TMEM254: variants seen among roughly 807,000 people sequenced by gnomAD.
TMEM254 encodes the protein transmembrane protein C10orf57.
A neutral mutation model predicts 13.9 loss-of-function variants in TMEM254; 16 were observed. That is an observed-to-expected ratio of 1.15 (90% confidence interval 0.78 to 1.75). TMEM254 has a LOEUF of 1.75. TMEM254 is among the 40% of genes most tolerant of loss of function. The pLI, the probability that TMEM254 is intolerant of heterozygous loss-of-function variation, is 0.00. For synonymous variants in TMEM254, 61 were observed against 56.4 expected, an observed-to-expected ratio of 1.08 and a Z score of -0.36; for missense variants, 155 against 149.0, an observed-to-expected ratio of 1.04 and a Z score of -0.21.
At chr10:80,083,722 TC>T (rs1469046696) in intron 3 of TMEM254, among the ~76,000 whole-genome samples, 2 of 152,142 alleles carry the variant, frequency 1.3e-5, no homozygotes, top group African/African-American at 4.8e-5. Flanking sequence ...TCACTAATAA[TC>T]GCTGCTTGTG....
At chr10:80,085,498 C>G (rs562084833) in intron 3 of TMEM254, among the ~76,000 whole-genome samples, 1 of 151,094 alleles carries the variant, frequency 6.6e-6, no homozygotes, top group Non-Finnish European at 1.5e-5. Context: ...ACCTGGGAGG[C>G]GGAGGTTGCG....
chr10:80,083,949 G>A (rs1844182002), intron 3 of TMEM254, among the ~76,000 whole-genome samples: 1 of 152,084 alleles, frequency 6.6e-6, no homozygotes, highest in South Asian at 2.1e-4. Context: ...GCCAGGCATG[G>A]TGGTGCGTGC....
intron 1 of TMEM254, among the ~76,000 whole-genome samples, chr10:80,081,113 G>A (rs759471672): frequency 6.6e-6 from 1 of 151,700 alleles, no homozygotes; most frequent in African/African-American, 2.4e-5. Context: ...TTAGTCAGTC[G>A]TGGTAGCCAT....
chr10:80,085,202 T>C (rs1482563948), intron 3 of TMEM254, among the ~76,000 whole-genome samples: 1 of 150,684 alleles, frequency 6.6e-6, no homozygotes, highest in Non-Finnish European at 1.5e-5. Context: ...CTTGAAATCA[T>C]TTATGGTCTA....
At chr10:80,088,140 T>C (rs765526040) in intron 3 of TMEM254, among the ~76,000 whole-genome samples, 3 of 152,208 alleles carry the variant, frequency 2.0e-5, no homozygotes, top group Admixed American at 6.5e-5. Context: ...ATGTGCCCTA[T>C]CTTATATCAT....
At chr10:80,087,548 G>T (rs1844376243) in intron 3 of TMEM254, among the ~76,000 whole-genome samples, 1 of 152,044 alleles carries the variant, frequency 6.6e-6, no homozygotes, top group South Asian at 2.1e-4. Flanking sequence ...AGCTACTCAG[G>T]AGGCTGAGGT....
In TMEM254 at chr10:80,078,796, G is replaced by A; in HGVS notation, c.87+10G>A. On this transcript the variant is annotated intron_variant, in intron 1 of 3. Transcript: ENST00000372281. ...CTTTGGCTACTACACAGTAAGGACA[G>A]CCGCTGGAGCGCTACGGTCTGACGA... 1 of 1,592,984 alleles carries A rather than the reference G, an allele frequency of 6.3e-7. No individual in the cohort carries two copies. Among genetic ancestry groups the A allele is most frequent in the Non-Finnish European group, 8.5e-7 (1 of 1,169,644 alleles).
At chr10:80,084,913 C>T (rs916167347) in intron 3 of TMEM254, among the ~76,000 whole-genome samples, 4 of 152,030 alleles carry the variant, frequency 2.6e-5, no homozygotes, top group African/African-American at 9.7e-5. Context: ...GCAACCTCTG[C>T]CTCCCTGGTT....
At chr10:80,082,046 G>A (rs1177590032) in intron 2 of TMEM254, 99 bp from the exon 3 acceptor site, 2 of 1,564,390 alleles carry the variant, frequency 1.3e-6, no homozygotes, top group African/African-American at 2.7e-5. Context: ...AGTAGTGTCG[G>A]TTCACCTTAA....
At chr10:80,081,211 A>G (rs1454876035) in intron 1 of TMEM254, among the ~76,000 whole-genome samples, 1 of 152,094 alleles carries the variant, frequency 6.6e-6, no homozygotes, top group Non-Finnish European at 1.5e-5. Context: ...TGATCAGGCC[A>G]CTGCACTCAA....
intron 3 of TMEM254, 67 bp from the exon 4 acceptor site, chr10:80,090,730 A>G: frequency 6.7e-7 from 1 of 1,485,778 alleles, no homozygotes. Flanking sequence ...TATATATAGA[A>G]GACAATAACT....
intron 1 of TMEM254, 82 bp downstream of exon 1, chr10:80,078,868 G>T (rs1041944701): frequency 3.3e-6 from 5 of 1,537,234 alleles, no homozygotes; most frequent in Middle Eastern, 1.7e-4. Flanking sequence ...CACAGGCCGC[G>T]GGCCGGGGGA....
rs376139550 is a variant in TMEM254, at chr10:80,083,009, T to TAATC, written c.251+808_251+809insCAAT. On this transcript the variant is annotated intron_variant, in intron 3 of 3. Coordinates refer to ENST00000372281, the MANE Select transcript of TMEM254 (RefSeq NM_025125.4). ...TATTACTATGTTTCAATAATAAAAATAATATTGATTGGGTACTGCTATGTC... is the reference window on the plus strand; with the variant it reads ...TATTACTATGTTTCAATAATAAAAATAATCAATATTGATTGGGTACTGCTATGTC... Among the ~76,000 whole-genome samples the TAATC allele has an allele frequency of 4.8e-3, 724 of 151,996 alleles. 9 individuals are homozygous for TAATC. Among genetic ancestry groups the TAATC allele is most frequent in the African/African-American group, 0.017 (685 of 41,454 alleles).
chr10:80,090,894 C>T lies in TMEM254; in HGVS notation c.349C>T (p.Arg117Trp), dbSNP rs144946848. 10 of 1,613,900 alleles carry T rather than the reference C, an allele frequency of 6.2e-6. No individual in the cohort carries two copies. The highest frequency in any genetic ancestry group is 2.7e-5 in the African/African-American group (2 of 75,030). ...ASLTILIAYK[R>W]KRQKQT ...TCTCACCATCTTGATTGCTTACAAACGGAAGCGCCAAAAACAAACTTGAAG... is the reference window on the plus strand; with the variant it reads ...TCTCACCATCTTGATTGCTTACAAATGGAAGCGCCAAAAACAAACTTGAAG... Residue 117 changes from arginine to tryptophan, a missense_variant, in exon 4 of 4, where the codon CGG (arginine) becomes TGG (tryptophan). Arg to Trp is a moderately radical substitution (Grantham distance 101). Transcript: ENST00000372281.
intron 3 of TMEM254, among the ~76,000 whole-genome samples, chr10:80,085,705 A>G (rs1216044652): frequency 6.6e-6 from 1 of 152,168 alleles, no homozygotes; most frequent in East Asian, 1.9e-4. Context: ...GTAAGGTTCA[A>G]CTCTTCTTTG....
rs1446199706 is a variant in TMEM254, at chr10:80,078,712, G to C, written c.13G>C (p.Ala5Pro). The change falls in exon 1 of 4, where the codon GCC (alanine) becomes CCC (proline). Residue 5 changes from alanine (A) to proline (P), a missense_variant. Coordinates refer to ENST00000372281, the MANE Select transcript of TMEM254 (RefSeq NM_025125.4). Reference sequence around the variant, plus strand: ...AGGTGTTGCAGCCATGGCTACGGCAGCCGGCGCGACCTACTTTCAGCGAGG... The same window carrying C: ...AGGTGTTGCAGCCATGGCTACGGCACCCGGCGCGACCTACTTTCAGCGAGG... MATA[A>P]GATYFQRGSL... is the part of the protein sequence containing the mutation. 8 of 1,603,446 alleles carry C rather than the reference G, an allele frequency of 5.0e-6. No homozygotes were observed. The highest frequency in any genetic ancestry group is 1.3e-5 in the African/African-American group (1 of 74,754).
chr10:80,080,027 G>A (rs1282219422), intron 1 of TMEM254, among the ~76,000 whole-genome samples: 1 of 152,246 alleles, frequency 6.6e-6, no homozygotes, highest in African/African-American at 2.4e-5. Flanking sequence ...GTTTGTTGGT[G>A]TCAAATCTGA....
At chr10:80,090,711 T>TA in intron 3 of TMEM254, 86 bp from the exon 4 acceptor site, 1 of 1,311,446 alleles carries the variant, frequency 7.6e-7, no homozygotes, top group Non-Finnish European at 1.0e-6. Context: ...AGGTATAATT[T>TA]AAAAAATATA....
At chr10:80,089,400 G>A (rs1844466603) in intron 3 of TMEM254, among the ~76,000 whole-genome samples, 1 of 152,212 alleles carries the variant, frequency 6.6e-6, no homozygotes, top group Non-Finnish European at 1.5e-5. Flanking sequence ...GTGGATGCAG[G>A]TGGCTCACAC....
Sources: gnomAD v4.1 joint callset for allele counts (sites outside exome capture counted in the v4.1 genomes callset) on GRCh38, gnomAD v4.1.1 for gene constraint, MANE v1.5 for transcripts, NCBI Gene and HGNC (gene_info 2026-07-23, HGNC 2026-07-21) for gene names.